Variants in DLGAP1 observed in about 807,000 individuals in gnomAD.
DLGAP1 encodes disks large-associated protein 1.
Under a neutral mutation model 90.8 loss-of-function variants are expected in DLGAP1, and 11 were observed. That is an observed-to-expected ratio of 0.12 (90% CI 0.08 to 0.20). The LOEUF (loss-of-function observed/expected upper bound fraction) is 0.20. Among genes scored for constraint, DLGAP1 ranks in the 10% least tolerant of loss-of-function variants. The probability of loss-of-function intolerance (pLI) is 1.00; values close to 1 mark genes in which losing one functional copy is unlikely to be tolerated. For missense variants in DLGAP1, 1,050 were observed against 1,333.8 expected (o/e 0.79, Z 3.31); for synonymous variants, 558 against 540.7 (o/e 1.03, Z -0.44).
chr18:3,545,561 T>C (rs746312938), intron 9 of DLGAP1, among the ~76,000 whole-genome samples: 13 of 151,986 alleles, frequency 8.6e-5, no homozygotes, highest in Non-Finnish European at 1.8e-4. Flanking sequence ...ACTTTAAAAA[T>C]AGAGAAATAA....
At chr18:3,587,499 C>T (rs1017539594) in intron 7 of DLGAP1, among the ~76,000 whole-genome samples, 1 of 152,158 alleles carries the variant, frequency 6.6e-6, no homozygotes, top group Non-Finnish European at 1.5e-5. Context: ...TCTGTAAAAA[C>T]GGACCAATCA....
At chr18:3,736,560 A>C (rs2062647112) in intron 6 of DLGAP1, among the ~76,000 whole-genome samples, 3 of 152,206 alleles carry the variant, frequency 2.0e-5, no homozygotes. Context: ...AGCTTCTACT[A>C]ATGATCTATT....
At chr18:3,766,524 T>C (rs2064250968) in intron 5 of DLGAP1, among the ~76,000 whole-genome samples, 1 of 152,120 alleles carries the variant, frequency 6.6e-6, no homozygotes. Context: ...GGAATACTCA[T>C]TGTTTCCAAG....
At chr18:3,760,348 T>C (rs2063910081) in intron 5 of DLGAP1, among the ~76,000 whole-genome samples, 1 of 152,146 alleles carries the variant, frequency 6.6e-6, no homozygotes, top group Non-Finnish European at 1.5e-5. Flanking sequence ...CGAGTTCTGC[T>C]CCTGGGTGAC....
intron 2 of DLGAP1, among the ~76,000 whole-genome samples, chr18:4,009,004 C>T (rs753793135): frequency 6.6e-6 from 1 of 152,160 alleles, no homozygotes; most frequent in East Asian, 1.9e-4. Context: ...CCCGGGTTCA[C>T]GCCGTTCTCC....
chr18:3,889,399 T>G (rs1440486317), intron 3 of DLGAP1, among the ~76,000 whole-genome samples: 1 of 152,150 alleles, frequency 6.6e-6, no homozygotes, highest in Non-Finnish European at 1.5e-5. Flanking sequence ...CACAGCCAGA[T>G]TTTATATATA....
chr18:4,428,295 C>A (rs1386677584), intron 1 of DLGAP1, among the ~76,000 whole-genome samples: 1 of 152,040 alleles, frequency 6.6e-6, no homozygotes, highest in Non-Finnish European at 1.5e-5. Flanking sequence ...AAGTGTGTAG[C>A]TGGGGCCAGG....
chr18:3,959,205 T>G (rs756141789), intron 3 of DLGAP1, among the ~76,000 whole-genome samples: 7 of 152,194 alleles, frequency 4.6e-5, no homozygotes, highest in Non-Finnish European at 8.8e-5. Context: ...GAAATATTTC[T>G]GCTCAATATT....
intron 4 of DLGAP1, among the ~76,000 whole-genome samples, chr18:3,819,943 C>T (rs2067312244): frequency 6.6e-6 from 1 of 152,174 alleles, no homozygotes; most frequent in South Asian, 2.1e-4. Context: ...AGAAAAGTTA[C>T]AAGAACTACT....
At chr18:4,014,084 C>G (rs919420156) in intron 2 of DLGAP1, 1 of 126,480 alleles carries the variant, frequency 7.9e-6, no homozygotes, top group Non-Finnish European at 1.6e-5. Flanking sequence ...ACTTAGCCCA[C>G]TTTTTTTTTT....
At chr18:4,064,516 C>G (rs941886758) in intron 2 of DLGAP1, among the ~76,000 whole-genome samples, 1 of 151,904 alleles carries the variant, frequency 6.6e-6, no homozygotes, top group African/African-American at 2.4e-5. Context: ...GGGGACATCA[C>G]CACTGACCCC....
intron 4 of DLGAP1, among the ~76,000 whole-genome samples, chr18:3,863,956 C>A (rs2070238347): frequency 6.6e-6 from 1 of 152,198 alleles, no homozygotes; most frequent in Non-Finnish European, 1.5e-5. Flanking sequence ...AAAATAAAAT[C>A]CTGTATTATC....
In DLGAP1 at chr18:3,970,175, T is replaced by C. The variant is rs1304508872; in HGVS notation, c.-73+34941A>G. ...CATTGTACTCCTGCAATTTCCCTTGTCATCATTCTCTTCTTTCATATAAAA... is the reference window on the plus strand; with the variant it reads ...CATTGTACTCCTGCAATTTCCCTTGCCATCATTCTCTTCTTTCATATAAAA... On this transcript the variant is annotated intron_variant, in intron 3 of 12. Transcript: ENST00000315677. Among the ~76,000 whole-genome samples, 7 of 152,234 alleles carry C rather than the reference T, an allele frequency of 4.6e-5. No individual in the cohort carries two copies. The South Asian group carries it at 8.3e-4, about 18-fold the overall frequency.
chr18:3,664,008 T>C (rs933388494), intron 7 of DLGAP1, among the ~76,000 whole-genome samples: 2 of 152,150 alleles, frequency 1.3e-5, no homozygotes, highest in African/African-American at 4.8e-5. Context: ...TGCTGGGACA[T>C]CAGTCTTCTC....
Position 3,502,376 on chromosome 18 carries a change from A to G in DLGAP1, c.2724+117T>C, listed in dbSNP as rs1568085148. On this transcript the variant is annotated intron_variant, in intron 12 of 12. Coordinates refer to ENST00000315677, the MANE Select transcript of DLGAP1 (RefSeq NM_004746.4). ...ACATTGTCATTACAATGAAATTAATATGATATCAGCTCCATTTCACATTGT... is the reference window on the plus strand; with the variant it reads ...ACATTGTCATTACAATGAAATTAATGTGATATCAGCTCCATTTCACATTGT... 3 of 1,480,456 alleles carry G rather than the reference A, an allele frequency of 2.0e-6. No individual in the cohort carries two copies. The East Asian group carries it at 7.2e-5, about 36-fold the overall frequency. 91.7% of individuals were successfully genotyped at this position (1,480,456 alleles called of 1,614,324 possible). A position where few individuals can be genotyped will look rare whatever the true frequency, so the allele number is the denominator to read the frequency against.
At chr18:3,665,382 T>C (rs908762037) in intron 7 of DLGAP1, among the ~76,000 whole-genome samples, 2 of 152,076 alleles carry the variant, frequency 1.3e-5, no homozygotes, top group African/African-American at 4.8e-5. Flanking sequence ...TCTTAATACC[T>C]AATCTGAATT....
intron 4 of DLGAP1, among the ~76,000 whole-genome samples, chr18:3,826,944 T>G (rs2067750306): frequency 6.6e-6 from 1 of 152,002 alleles, no homozygotes; most frequent in African/African-American, 2.4e-5. Flanking sequence ...GATCTGGATG[T>G]GTGGACTGAG....
At chr18:4,019,217 A>C (rs1044353043) in intron 2 of DLGAP1, among the ~76,000 whole-genome samples, 1 of 152,126 alleles carries the variant, frequency 6.6e-6, no homozygotes, top group Admixed American at 6.5e-5. Context: ...CATTTTCCCG[A>C]CATTATGCAT....
At chr18:4,033,891 A>G (rs145720459) in intron 2 of DLGAP1, among the ~76,000 whole-genome samples, 2,147 of 151,268 alleles carry the variant, frequency 0.014, 52 homozygotes, top group African/African-American at 0.049. Flanking sequence ...GGTGCGTGCC[A>G]CCATGCCTGG....
Sources: allele counts gnomAD v4.1 joint callset (sites outside exome capture counted in the v4.1 genomes callset), GRCh38; gene constraint gnomAD v4.1.1; transcripts MANE v1.5; gene names NCBI Gene and HGNC (gene_info 2026-07-23, HGNC 2026-07-21).